STOML3: variants seen among roughly 807,000 people sequenced by gnomAD.
The protein encoded by STOML3 is stomatin-like protein 3.
A neutral mutation model predicts 29.5 loss-of-function variants in STOML3; 31 were observed. The ratio of observed to expected loss-of-function variants is 1.05; its 90% CI spans 0.79 to 1.42. The LOEUF is 1.42. Among genes scored for constraint, STOML3 ranks in the 40% most tolerant of loss-of-function variants. The pLI is 0.00. For missense variants in STOML3, 380 were observed against 363.0 expected (o/e 1.05, Z -0.38); for synonymous variants, 122 against 139.8 (o/e 0.87, Z 0.90).
At chr13:38,985,157 C>T (rs915572525) in intron 1 of STOML3, among the ~76,000 whole-genome samples, 8 of 152,178 alleles carry the variant, frequency 5.3e-5, no homozygotes, top group African/African-American at 1.7e-4. Flanking sequence ...GGCACGGTGG[C>T]TCATGCCTGT....
intron 1 of STOML3, among the ~76,000 whole-genome samples, chr13:38,981,915 T>C (rs1412344612): frequency 6.6e-6 from 1 of 152,176 alleles, no homozygotes; most frequent in Non-Finnish European, 1.5e-5. Context: ...TTCCAACTAA[T>C]ACCTGAGAGC....
At chr13:38,974,050 T>C (rs985762090) in intron 3 of STOML3, among the ~76,000 whole-genome samples, 3 of 152,168 alleles carry the variant, frequency 2.0e-5, no homozygotes, top group Non-Finnish European at 2.9e-5. Context: ...ACACATCTAC[T>C]TCTTTCTGAT....
intron 1 of STOML3, among the ~76,000 whole-genome samples, chr13:38,984,250 G>C (rs1273453531): frequency 1.3e-5 from 2 of 152,176 alleles, no homozygotes; most frequent in East Asian, 1.9e-4. Flanking sequence ...CTACAGTAGA[G>C]AAAGTAACCT....
chr13:38,976,594 G>C lies in STOML3; in HGVS notation c.175C>G (p.Arg59Gly). The C allele has an allele frequency of 6.2e-7, 1 of 1,614,178 alleles. No individual in the cohort carries two copies. Among genetic ancestry groups the C allele is most frequent in the Non-Finnish European group, 8.5e-7 (1 of 1,180,038 alleles). The change falls in exon 3 of 7, where the codon CGT (arginine) becomes GGT (glycine). Residue 59 changes from arginine (R) to glycine (G), a missense_variant. By Grantham distance (125) the Arg-to-Gly change is moderately radical. Coordinates refer to ENST00000379631, the MANE Select transcript of STOML3 (RefSeq NM_145286.3). ...CGTCCCAGACGGAATACAACAGCAC[G>C]TTCATACTCCTTAATGATCTAGGAG... The part of the protein sequence containing the change: ...MCLKIIKEYE[R>G]AVVFRLGRIQ...
intron 1 of STOML3, among the ~76,000 whole-genome samples, chr13:38,979,787 T>A (rs922272536): frequency 1.3e-4 from 20 of 152,316 alleles, no homozygotes; most frequent in African/African-American, 4.6e-4. Flanking sequence ...TTATAAAATC[T>A]TGGTAAAAGT....
At chr13:38,981,186 T>G (rs1881256587) in intron 1 of STOML3, among the ~76,000 whole-genome samples, 1 of 152,132 alleles carries the variant, frequency 6.6e-6, no homozygotes, top group African/African-American at 2.4e-5. Context: ...CATCTTAATC[T>G]CTCATTAAGT....
At chr13:38,984,415 T>G (rs1868426579) in intron 1 of STOML3, among the ~76,000 whole-genome samples, 1 of 152,188 alleles carries the variant, frequency 6.6e-6, no homozygotes, top group African/African-American at 2.4e-5. Flanking sequence ...GCTCCTCTTT[T>G]GAGTTTCTAA....
intron 1 of STOML3, among the ~76,000 whole-genome samples, chr13:38,977,743 T>A (rs1261999473): frequency 1.4e-5 from 2 of 147,492 alleles, no homozygotes; most frequent in Admixed American, 6.9e-5. Context: ...ATTTCTGAAG[T>A]CTCCGGATTT....
chr13:38,978,942 A>G (rs757224356), intron 1 of STOML3, among the ~76,000 whole-genome samples: 11 of 152,110 alleles, frequency 7.2e-5, no homozygotes, highest in Non-Finnish European at 1.3e-4. Flanking sequence ...ATGCCTTTCA[A>G]AAAGTTTGTA....
intron 1 of STOML3, among the ~76,000 whole-genome samples, chr13:38,978,192 C>T (rs1881157045): frequency 6.6e-6 from 1 of 151,920 alleles, no homozygotes; most frequent in East Asian, 1.9e-4. Flanking sequence ...CTCATTCTGT[C>T]GCCCAGGCTG....
intron 1 of STOML3, 141 bp from the exon 2 acceptor site, chr13:38,976,938 G>A: frequency 1.5e-6 from 1 of 673,600 alleles, no homozygotes; most frequent in South Asian, 1.8e-5. Flanking sequence ...TTACACCATG[G>A]ATGTAGTCAC....
chr13:38,972,108 A>T (rs1256650650), intron 4 of STOML3, among the ~76,000 whole-genome samples: 7 of 152,192 alleles, frequency 4.6e-5, no homozygotes, highest in Admixed American at 4.6e-4. Context: ...AGAAGGTGAT[A>T]GAGAGGGTGG....
At chr13:38,975,401 T>C (rs1881037457) in intron 3 of STOML3, among the ~76,000 whole-genome samples, 1 of 151,934 alleles carries the variant, frequency 6.6e-6, no homozygotes, top group Non-Finnish European at 1.5e-5. Context: ...AAGTTTCCCA[T>C]AATTTTTTTA....
intron 1 of STOML3, among the ~76,000 whole-genome samples, chr13:38,979,474 T>C (rs1332874060): frequency 2.6e-5 from 4 of 152,242 alleles, no homozygotes; most frequent in African/African-American, 9.6e-5. Context: ...CCTATGTATT[T>C]ACATACATAT....
intron 1 of STOML3, among the ~76,000 whole-genome samples, chr13:38,979,525 A>G (rs1235581711): frequency 6.6e-6 from 1 of 152,132 alleles, no homozygotes; most frequent in East Asian, 1.9e-4. Flanking sequence ...TGTAAATTTT[A>G]TTTTGTGATA....
At chr13:38,985,911 C>CTTTTTTTTTTT (rs1170409048) in intron 1 of STOML3, among the ~76,000 whole-genome samples, 153 of 85,592 alleles carry the variant, frequency 1.8e-3, no homozygotes, top group East Asian at 2.5e-3. Context: ...TCTTTTCTTT[C>CTTTTTTTTTTT]TTTTTTTTTT....
chr13:38,980,089 T>A (rs1881220092), intron 1 of STOML3: 1 of 1,551,550 alleles, frequency 6.4e-7, no homozygotes, highest in South Asian at 1.2e-5. Context: ...AGCCCTTGCA[T>A]CATTACACGT....
At chr13:38,970,741 A>G (rs760349210) in intron 4 of STOML3, among the ~76,000 whole-genome samples, 1 of 152,246 alleles carries the variant, frequency 6.6e-6, no homozygotes, top group African/African-American at 2.4e-5. Context: ...GAAGTAGAAC[A>G]CTTGTTTCCC....
chr13:38,968,411 C>T lies in STOML3; in HGVS notation c.640G>A (p.Ala214Thr), dbSNP rs553615363. The T allele has an allele frequency of 6.2e-7, 1 of 1,614,168 alleles. No homozygotes were observed. The highest frequency in any genetic ancestry group is 8.5e-7 in the Non-Finnish European group (1 of 1,180,022). The change falls in exon 6 of 7, where the codon GCG becomes ACG. Residue 214 changes from alanine to threonine, a missense_variant. By Grantham distance (58) the Ala-to-Thr change is moderately conservative (BLOSUM62 0). Transcript: ENST00000379631. The part of the protein sequence containing the change: ...MAAEAEATRE[A>T]RAKVLAAEGE... ...TGCACAACACTTACCTTGGCTCTCG[C>T]TTCCCGGGTGGCCTCAGCCTCGGCT...
Sources: allele counts gnomAD v4.1 joint callset (sites outside exome capture counted in the v4.1 genomes callset), GRCh38; gene constraint gnomAD v4.1.1; transcripts MANE v1.5; gene names NCBI Gene and HGNC (gene_info 2026-07-23, HGNC 2026-07-21).